The following PCYT1B variants were observed in gnomAD, a reference collection of about 807,000 sequenced individuals.
PCYT1B encodes choline-phosphate cytidylyltransferase B.
In PCYT1B, 10 loss-of-function variants were observed where a neutral mutation model predicts 26.4. The ratio of observed to expected loss-of-function variants is 0.38; its 90% CI spans 0.23 to 0.64. The LOEUF (loss-of-function observed/expected upper bound fraction) is 0.64, where lower values mean the gene tolerates loss of function less well. Ranked by LOEUF, PCYT1B falls within the 30% of genes least tolerant of loss-of-function variation. PCYT1B has a pLI of 0.56. For missense variants in PCYT1B, 161 were observed against 292.7 expected, an observed-to-expected ratio of 0.55 and a Z score of 3.28; for synonymous variants, 131 against 108.4, an observed-to-expected ratio of 1.21 and a Z score of -1.29.
At chrX:24,588,692 T>C (rs1397356947) in intron 4 of PCYT1B, among the ~76,000 whole-genome samples, 1 of 111,118 alleles carries the variant, frequency 9.0e-6, no homozygotes, top group African/African-American at 3.3e-5. Context: ...GTGTCGGGAG[T>C]TGTCCTGTGC....
chrX:24,615,110 G>A (rs143948833), intron 2 of PCYT1B, among the ~76,000 whole-genome samples: 1,304 of 111,909 alleles, frequency 0.012, 15 homozygotes, highest in African/African-American at 0.04. Flanking sequence ...ATGAGCCACC[G>A]CCCTCGGCCT....
At chrX:24,570,808 C>T (rs920012103) in intron 7 of PCYT1B, among the ~76,000 whole-genome samples, 2 of 111,421 alleles carry the variant, frequency 1.8e-5, no homozygotes, top group African/African-American at 3.3e-5. Context: ...ATCTAGATGG[C>T]CTGGTCTCAA....
intron 2 of PCYT1B, among the ~76,000 whole-genome samples, chrX:24,612,726 G>A (rs1366810006): frequency 8.9e-6 from 1 of 112,282 alleles, no homozygotes; most frequent in Non-Finnish European, 1.9e-5. Context: ...TTGGAAAGCA[G>A]TTTGGCAGTT....
At chrX:24,564,007 C>A (rs1923528325) in intron 7 of PCYT1B, among the ~76,000 whole-genome samples, 1 of 110,736 alleles carries the variant, frequency 9.0e-6, no homozygotes, top group Admixed American at 9.6e-5. Flanking sequence ...CATGGTGAAA[C>A]CCTTTCTCTA....
At chrX:24,657,723 C>T (rs1926951600) in intron 1 of PCYT1B, among the ~76,000 whole-genome samples, 1 of 112,012 alleles carries the variant, frequency 8.9e-6, no homozygotes, top group South Asian at 3.7e-4. Context: ...AGTGGATGTA[C>T]TGCTGTCTCC....
At position 24,559,441 on chromosome X, in the gene PCYT1B, AAGAGAG is replaced by A. The variant is rs1555953538; in HGVS notation, c.*2846_*2851del. On this transcript the variant is annotated 3_prime_UTR_variant, in exon 8 of 8. Coordinates refer to ENST00000379144, the MANE Select transcript of PCYT1B (RefSeq NM_004845.5). ...AAAAGAGAAAGAAGAAAGAAAAAGA[AAGAGAG>A]AGAGAGAGAAAGAAAGAGAAAGAAA... The A allele has an allele frequency of 1.0e-5, 1 of 97,677 alleles. No individual in the cohort carries two copies. Among genetic ancestry groups the A allele is most frequent in the East Asian group, 3.2e-4 (1 of 3,082 alleles). 8.0% of individuals were successfully genotyped at this position (97,677 alleles called of 1,213,427 possible).
At chrX:24,582,239 G>A (rs1423282958) in intron 5 of PCYT1B, among the ~76,000 whole-genome samples, 1 of 112,156 alleles carries the variant, frequency 8.9e-6, no homozygotes, top group African/African-American at 3.2e-5. Context: ...ATAATAAGAC[G>A]ATTCTCTAGT....
At chrX:24,649,281 A>T (rs185508709), upstream of PCYT1B, among the ~76,000 whole-genome samples, 10 of 111,549 alleles carry the variant, frequency 9.0e-5, no homozygotes, top group African/African-American at 3.3e-4. Context: ...TAATCTCAAT[A>T]TATGTATTTT....
Position 24,647,099 on chromosome X carries a change from C to T in PCYT1B, c.7G>A (p.Val3Ile). The T allele has an allele frequency of 8.3e-7, 1 of 1,207,244 alleles. No homozygotes were observed. The highest frequency in any genetic ancestry group is 1.1e-6 in the Non-Finnish European group (1 of 891,473). The part of the protein sequence containing the change: MP[V>I]VTTDAESETG... ...TCTGACTCAGCATCAGTGGTAACTACTGGCATGGCCAGTGAATGCTCCCTC... is the reference window on the plus strand; with the variant it reads ...TCTGACTCAGCATCAGTGGTAACTATTGGCATGGCCAGTGAATGCTCCCTC... The change falls in exon 1 of 8, where the codon GTA (valine) becomes ATA (isoleucine). Residue 3 changes from valine to isoleucine, a missense_variant. By Grantham distance (29) the Val-to-Ile change is conservative. Coordinates refer to ENST00000379144, the MANE Select transcript of PCYT1B (RefSeq NM_004845.5).
At chrX:24,650,959 T>G (rs1926749906), upstream of PCYT1B, among the ~76,000 whole-genome samples, 1 of 111,962 alleles carries the variant, frequency 8.9e-6, no homozygotes, top group South Asian at 3.7e-4. Flanking sequence ...GAAATTCTAA[T>G]GTTATGGGCA....
intron 6 of PCYT1B, 117 bp downstream of exon 6, chrX:24,579,199 A>AAAGAG: frequency 2.1e-6 from 1 of 475,759 alleles, no homozygotes; most frequent in Non-Finnish European, 3.3e-6. Flanking sequence ...AAAAAAAAAA[A>AAAGAG]AGAGAGAGAG....
intron 1 of PCYT1B, among the ~76,000 whole-genome samples, chrX:24,630,542 G>A (rs780139071): frequency 2.9e-4 from 33 of 112,037 alleles, no homozygotes; most frequent in South Asian, 3.8e-4. Flanking sequence ...TGATCCGCCC[G>A]CCTTGGCCTC....
intron 4 of PCYT1B, among the ~76,000 whole-genome samples, chrX:24,588,493 A>G: frequency 9.0e-6 from 1 of 111,643 alleles, no homozygotes; most frequent in East Asian, 2.8e-4. Flanking sequence ...ATGGGGTTTC[A>G]CTCTACCTTG....
intron 7 of PCYT1B, among the ~76,000 whole-genome samples, chrX:24,573,844 C>G (rs1923933458): frequency 9.0e-6 from 1 of 111,028 alleles, no homozygotes; most frequent in Non-Finnish European, 1.9e-5. Context: ...GGCTCCTCCA[C>G]TCTTGCCAGC....
At chrX:24,646,200 G>A (rs1926618434) in intron 1 of PCYT1B, among the ~76,000 whole-genome samples, 1 of 111,376 alleles carries the variant, frequency 9.0e-6, no homozygotes, top group African/African-American at 3.3e-5. Flanking sequence ...AGGTGGTTGG[G>A]AACGAAGTTT....
At chrX:24,645,952 A>G (rs886277357) in intron 1 of PCYT1B, among the ~76,000 whole-genome samples, 10 of 112,141 alleles carry the variant, frequency 8.9e-5, no homozygotes, top group Non-Finnish European at 3.8e-5. Flanking sequence ...AGGTTCACAG[A>G]AAATGCTACA....
intron 1 of PCYT1B, among the ~76,000 whole-genome samples, chrX:24,636,861 A>G (rs756539099): frequency 1.2e-4 from 14 of 112,038 alleles, no homozygotes; most frequent in Admixed American, 1.9e-4. Context: ...AGATTCATCC[A>G]TATTCCTGCA....
At chrX:24,616,616 AACTT>A (rs2148252407) in intron 2 of PCYT1B, among the ~76,000 whole-genome samples, 1 of 112,006 alleles carries the variant, frequency 8.9e-6, no homozygotes, top group East Asian at 2.8e-4. Context: ...CCAGACCACT[AACTT>A]TAGAATCACC....
chrX:24,601,447 C>T (rs1346625014), intron 3 of PCYT1B, among the ~76,000 whole-genome samples: 3 of 105,828 alleles, frequency 2.8e-5, no homozygotes, highest in Non-Finnish European at 3.9e-5. Flanking sequence ...AAGCCAAGAT[C>T]GTGCCACTGC....
Sources: allele counts gnomAD v4.1 joint callset (sites outside exome capture counted in the v4.1 genomes callset), GRCh38; gene constraint gnomAD v4.1.1; transcripts MANE v1.5; gene names NCBI Gene and HGNC (gene_info 2026-07-23, HGNC 2026-07-21).